PPP1R26: variants seen among roughly 807,000 people sequenced by gnomAD.
PPP1R26 encodes the protein protein phosphatase 1 regulatory subunit 26, also known as 1A6/DRIM (down-regulated in metastasis) interacting protein.
Under a neutral mutation model 67.6 loss-of-function variants are expected in PPP1R26, and 22 were observed. The ratio of observed to expected loss-of-function variants is 0.33; its 90% CI spans 0.23 to 0.46. PPP1R26 has a LOEUF of 0.46. Ranked by LOEUF, PPP1R26 falls within the 20% of genes least tolerant of loss-of-function variation. PPP1R26 has a pLI of 1.00. For missense variants in PPP1R26, 1,602 were observed against 1,651.4 expected (o/e 0.97, Z 0.52); for synonymous variants, 729 against 717.2 (o/e 1.02, Z -0.26).
intron 2 of PPP1R26, among the ~76,000 whole-genome samples, 177 bp downstream of exon 2, chr9:135,482,992 T>TC (rs1193117801): frequency 2.1e-5 from 3 of 141,932 alleles, no homozygotes; most frequent in Non-Finnish European, 3.1e-5. Context: ...TCTTTCTTTT[T>TC]TTTTTTTTTT....
In PPP1R26 at chr9:135,484,436, T is replaced by G; in HGVS notation, c.-62-13T>G. The G allele has an allele frequency of 4.4e-6, 6 of 1,371,332 alleles. No homozygotes were observed. Among genetic ancestry groups the G allele is most frequent in the East Asian group, 4.6e-5 (2 of 43,302 alleles). The allele number at this position is 1,371,332 out of a possible 1,614,324, so 84.9% of individuals were successfully genotyped here. A position where few individuals can be genotyped will look rare whatever the true frequency, so the allele number is the denominator to read the frequency against. On this transcript the variant is annotated splice_polypyrimidine_tract_variant and intron_variant, in intron 3 of 3. Coordinates refer to ENST00000356818, the MANE Select transcript of PPP1R26 (RefSeq NM_014811.5). ...GTAGCTGCATCATGCCCATGTGCTT[T>G]CTTTCCGCCCAGGATGTGAAGCCGG...
rs746113907 is a variant in PPP1R26 at position 135,484,698 on chromosome 9, C to T, written c.188C>T (p.Thr63Ile). Residue 63 changes from threonine (T) to isoleucine (I), a missense_variant, in exon 4 of 4, where the codon ACC becomes ATC. Physicochemically the swap from Thr to Ile is moderately conservative, Grantham distance 89. Transcript: ENST00000356818. ...TLQRDGAARG[T>I]SDERAAQRGH... ...CAGCGCGACGGGGCTGCTCGGGGCA[C>T]CAGCGATGAGCGCGCCGCACAGAGG... is the stretch of plus-strand genomic sequence containing the variant. The T allele has an allele frequency of 2.0e-5, 32 of 1,609,894 alleles. No homozygotes were observed. The highest frequency in any genetic ancestry group is 2.5e-5 in the Non-Finnish European group (30 of 1,179,364).
rs1830843093 is a variant in PPP1R26 at position 135,488,230 on chromosome 9, A to G, written c.*90A>G. ...TGTGTGTGATGGTTCCGTGGCTGCAAGGAAGGGAAACAGTCTATTATACAT... is the reference window on the plus strand; with the variant it reads ...TGTGTGTGATGGTTCCGTGGCTGCAGGGAAGGGAAACAGTCTATTATACAT... On this transcript the variant is annotated 3_prime_UTR_variant, in exon 4 of 4. Transcript: ENST00000356818. 1 of 1,440,092 alleles carries G rather than the reference A, an allele frequency of 6.9e-7. No homozygotes were observed. The highest frequency in any genetic ancestry group is 9.1e-7 in the Non-Finnish European group (1 of 1,096,584). 89.2% of individuals were successfully genotyped at this position (1,440,092 alleles called of 1,614,324 possible).
Position 135,480,010 on chromosome 9 carries a change from G to A in PPP1R26, c.-341G>A, listed in dbSNP as rs1328169797. On this transcript the variant is annotated 5_prime_UTR_variant, in exon 1 of 4. Coordinates refer to ENST00000356818, the MANE Select transcript of PPP1R26 (RefSeq NM_014811.5). ...GCGGGGTCCGCGCGGCGGGCGGCGGGGGACGGGCGGAGGTGAGCGGGTGCA... is the reference window on the plus strand; with the variant it reads ...GCGGGGTCCGCGCGGCGGGCGGCGGAGGACGGGCGGAGGTGAGCGGGTGCA... 1 of 146,380 alleles carries A rather than the reference G, an allele frequency of 6.8e-6. No individual in the cohort carries two copies. The highest frequency in any genetic ancestry group is 1.5e-5 in the Non-Finnish European group (1 of 65,700). The allele number at this position is 146,380 out of a possible 1,614,324, so 9.1% of individuals were successfully genotyped here.
Position 135,484,959 on chromosome 9 carries a change from C to G in PPP1R26, c.449C>G (p.Pro150Arg). ...AAGGCAAAGAGTGGAGCCGCACAGC[C>G]CGGGGCCGGCGGGGCCCAGCCAGGT... is the stretch of plus-strand genomic sequence containing the variant. ...YLKAKSGAAQ[P>R]GAGGAQPGAA... The change falls in exon 4 of 4, where the codon CCC (proline) becomes CGC (arginine). Residue 150 changes from proline (P) to arginine (R), a missense_variant. By Grantham distance (103) the Pro-to-Arg change is moderately radical (BLOSUM62 -2). Transcript: ENST00000356818. 6.3e-7 allele frequency: 1 copy of G among 1,579,200 alleles called. No homozygotes were observed. The highest frequency in any genetic ancestry group is 8.6e-7 in the Non-Finnish European group (1 of 1,163,786).
rs1830834181 is a variant in PPP1R26 at position 135,488,096 on chromosome 9, A to T, written c.3586A>T (p.Thr1196Ser). ...CAGTGACGCCAGTGACTTCAGCGAC[A>T]CCTCCACGGAGGACAGTGGCGGCAG... ...LGSDASDFSD[T>S]STEDSGGSSV... Residue 1196 changes from threonine (T) to serine (S), a missense_variant, in exon 4 of 4, where the codon ACC becomes TCC. Transcript: ENST00000356818. The T allele has an allele frequency of 6.4e-7, 1 of 1,552,714 alleles. No homozygotes were observed. The highest frequency in any genetic ancestry group is 8.7e-7 in the Non-Finnish European group (1 of 1,150,942).
rs1193239777 is a variant in PPP1R26 at position 135,485,328 on chromosome 9, A to C, written c.818A>C (p.Lys273Thr). Reference sequence around the variant, plus strand: ...AAATCCCACCAAGAGCCGCCTACAAAGGTGGTGCATCGGCAGGGCCTGCTG... The same window carrying C: ...AAATCCCACCAAGAGCCGCCTACAACGGTGGTGCATCGGCAGGGCCTGCTG... ...LLKSHQEPPT[K>T]VVHRQGLLGV... The change falls in exon 4 of 4, where the codon AAG becomes ACG. Residue 273 changes from lysine to threonine, a missense_variant. By Grantham distance (78) the Lys-to-Thr change is moderately conservative. Coordinates refer to ENST00000356818, the MANE Select transcript of PPP1R26 (RefSeq NM_014811.5). This position sits in a 1 kb window ranked among gnomAD's most constrained non-coding sequence, Gnocchi z 7.2. The C allele has an allele frequency of 6.2e-7, 1 of 1,613,038 alleles. No homozygotes were observed. The highest frequency in any genetic ancestry group is 1.1e-5 in the South Asian group (1 of 91,070).
rs754055477 is a variant in PPP1R26, at chr9:135,485,855, C to A, written c.1345C>A (p.Leu449Ile). The A allele has an allele frequency of 4.3e-6, 7 of 1,613,460 alleles. No homozygotes were observed. Among genetic ancestry groups the A allele is most frequent in the Non-Finnish European group, 5.9e-6 (7 of 1,180,016 alleles). ...GGLDTDHAPK[L>I]LKETKAPPPA... is the part of the protein sequence containing the mutation. ...CCTGGACACTGACCATGCCCCCAAG[C>A]TCCTGAAGGAAACCAAAGCTCCACC... The change falls in exon 4 of 4, where the codon CTC becomes ATC. Residue 449 changes from leucine to isoleucine, a missense_variant. This residue lies in a region of PPP1R26 where 680 missense variants were observed against 726.1 expected (regional missense o/e 0.94). Coordinates refer to ENST00000356818, the MANE Select transcript of PPP1R26 (RefSeq NM_014811.5). The surrounding 1 kb of genome is among the most constrained non-coding windows in gnomAD (Gnocchi z 7.2).
At position 135,486,001 on chromosome 9, in the gene PPP1R26, C is replaced by T. The variant is rs775509322; in HGVS notation, c.1491C>T (p.Ala497=). ...ACATCTCCAAGACGATCCTGCCGGC[C>T]CCTGTAGAGGGCAGTGACGGGTCCC... is the stretch of plus-strand genomic sequence containing the variant. ...ILDISKTILP[A]PVEGSDGSLS... The change falls in exon 4 of 4, where the codon GCC becomes GCT. Residue 497 remains alanine (A), a synonymous_variant. Transcript: ENST00000356818. The surrounding 1 kb of genome is among the most constrained non-coding windows in gnomAD (Gnocchi z 6.2). The T allele has an allele frequency of 6.2e-7, 1 of 1,613,080 alleles. No individual in the cohort carries two copies. The highest frequency in any genetic ancestry group is 1.7e-5 in the Admixed American group (1 of 59,978).
rs148457172 is a variant in PPP1R26, at chr9:135,485,723, C to G, written c.1213C>G (p.His405Asp). Reference sequence around the variant, plus strand: ...GGAGAGAGCGCCTGACCCTCCCGCACACAGCACAAGCAGTGCCACAAAAAG... The same window carrying G: ...GGAGAGAGCGCCTGACCCTCCCGCAGACAGCACAAGCAGTGCCACAAAAAG... Reference protein sequence around the residue: ...REERAPDPPAHSTSSATKSAL... With the variant: ...REERAPDPPADSTSSATKSAL... The change falls in exon 4 of 4, where the codon CAC (histidine) becomes GAC (aspartate). Residue 405 changes from histidine to aspartate, a missense_variant. Around this residue, in one of 5 missense-constraint regions of PPP1R26, gnomAD observed 680 missense variants for 726.1 expected, o/e 0.94. Transcript: ENST00000356818. This position sits in a 1 kb window ranked among gnomAD's most constrained non-coding sequence, Gnocchi z 7.2. The G allele has an allele frequency of 6.8e-6, 11 of 1,610,422 alleles. 1 individual carries two copies. The highest frequency in any genetic ancestry group is 2.0e-4 in the Middle Eastern group (1 of 4,992).
chr9:135,486,203 C>A lies in PPP1R26; in HGVS notation c.1693C>A (p.Pro565Thr). The stretch of plus-strand genomic sequence containing the variant: ...GAGCTGCCCGCAGGCTGCCCAGGGT[C>A]CACTTTTGCCGCCTGGCCTCAACAG... ...GESCPQAAQG[P>T]LLPPGLNSQT... is the part of the protein sequence containing the mutation. Residue 565 changes from proline (P) to threonine (T), a missense_variant, in exon 4 of 4, where the codon CCA becomes ACA. This residue lies in a region of PPP1R26 where 680 missense variants were observed against 726.1 expected (regional missense o/e 0.94). Coordinates refer to ENST00000356818, the MANE Select transcript of PPP1R26 (RefSeq NM_014811.5). The surrounding 1 kb of genome is among the most constrained non-coding windows in gnomAD (Gnocchi z 6.2). The A allele has an allele frequency of 6.2e-7, 1 of 1,612,992 alleles. No individual in the cohort carries two copies. The highest frequency in any genetic ancestry group is 8.5e-7 in the Non-Finnish European group (1 of 1,180,032).
Position 135,487,955 on chromosome 9 carries a change from G to A in PPP1R26, c.3445G>A (p.Ala1149Thr). 1 of 1,598,582 alleles carries A rather than the reference G, an allele frequency of 6.3e-7. No homozygotes were observed. Among genetic ancestry groups the A allele is most frequent in the African/African-American group, 1.3e-5 (1 of 74,352 alleles). Residue 1149 changes from alanine to threonine, a missense_variant, in exon 4 of 4, where the codon GCA becomes ACA. By Grantham distance (58) the Ala-to-Thr change is moderately conservative (BLOSUM62 0). Around this residue, in one of 5 missense-constraint regions of PPP1R26, gnomAD observed 740 missense variants for 696.3 expected, o/e 1.06. Transcript: ENST00000356818. ...CGGCGGCCCCTGGCCAACCAGGAAGGCACAGGCAGGGCTGAGTTTGCATGA... is the reference window on the plus strand; with the variant it reads ...CGGCGGCCCCTGGCCAACCAGGAAGACACAGGCAGGGCTGAGTTTGCATGA... ...KDGGPWPTRK[A>T]QAGLSLHDRR...
rs969188284 is a variant in PPP1R26, at chr9:135,484,796, T to C, written c.286T>C (p.Leu96=). ...KPTVHKEPPA[L]AVCGLVADFD... is the part of the protein sequence containing the mutation. ...CACCGTGCACAAGGAGCCACCCGCGTTGGCTGTCTGTGGTCTCGTTGCTGA... is the reference window on the plus strand; with the variant it reads ...CACCGTGCACAAGGAGCCACCCGCGCTGGCTGTCTGTGGTCTCGTTGCTGA... Residue 96 remains leucine (L), a synonymous_variant, in exon 4 of 4, where the codon TTG becomes CTG. Coordinates refer to ENST00000356818, the MANE Select transcript of PPP1R26 (RefSeq NM_014811.5). The C allele has an allele frequency of 2.5e-6, 4 of 1,611,030 alleles. No individual in the cohort carries two copies. The highest frequency in any genetic ancestry group is 1.3e-5 in the African/African-American group (1 of 74,856).
chr9:135,486,288 A>G lies in PPP1R26; in HGVS notation c.1778A>G (p.Lys593Arg). ...SKTPDPLLGC[K>R]RKRRGGGHVR... Reference sequence around the variant, plus strand: ...ACACCAGACCCACTGCTGGGCTGCAAAAGGAAGCGTAGAGGTGGTGGCCAT... The same window carrying G: ...ACACCAGACCCACTGCTGGGCTGCAGAAGGAAGCGTAGAGGTGGTGGCCAT... The change falls in exon 4 of 4, where the codon AAA (lysine) becomes AGA (arginine). Residue 593 changes from lysine to arginine, a missense_variant. Lys to Arg is a conservative substitution (Grantham distance 26). Coordinates refer to ENST00000356818, the MANE Select transcript of PPP1R26 (RefSeq NM_014811.5). This position sits in a 1 kb window ranked among gnomAD's most constrained non-coding sequence, Gnocchi z 6.2. The G allele has an allele frequency of 6.2e-7, 1 of 1,612,958 alleles. No homozygotes were observed. Among genetic ancestry groups the G allele is most frequent in the Non-Finnish European group, 8.5e-7 (1 of 1,180,008 alleles).
chr9:135,485,630 C>T lies in PPP1R26; in HGVS notation c.1120C>T (p.Leu374=), dbSNP rs1830694389. 6.2e-7 allele frequency: 1 copy of T among 1,613,008 alleles called. No individual in the cohort carries two copies. Among genetic ancestry groups the T allele is most frequent in the South Asian group, 1.1e-5 (1 of 91,078 alleles). ...SDDGIEEAIQ[L]YQLQKTRKEA... ...CGATGGCATTGAGGAGGCCATCCAG[C>T]TGTACCAGCTGCAGAAAACACGCAA... Residue 374 remains leucine (L), a synonymous_variant, in exon 4 of 4, where the codon CTG becomes TTG. Coordinates refer to ENST00000356818, the MANE Select transcript of PPP1R26 (RefSeq NM_014811.5). This position sits in a 1 kb window ranked among gnomAD's most constrained non-coding sequence, Gnocchi z 7.2.
Position 135,487,340 on chromosome 9 carries a change from G to T in PPP1R26, c.2830G>T (p.Gly944Cys), listed in dbSNP as rs145304554. Residue 944 changes from glycine (G) to cysteine (C), a missense_variant, in exon 4 of 4, where the codon GGC becomes TGC. Physicochemically the swap from Gly to Cys is radical, Grantham distance 159. Transcript: ENST00000356818. ...GDPVPPRSTS[G>C]GVSAKGLSVS... ...TCCGGTGCCGCCCAGGAGCACCAGC[G>T]GCGGTGTCTCCGCCAAGGGGCTCTC... The T allele has an allele frequency of 1.9e-6, 3 of 1,553,280 alleles. No individual in the cohort carries two copies. Among genetic ancestry groups the T allele is most frequent in the South Asian group, 1.2e-5 (1 of 81,304 alleles).
In PPP1R26 at chr9:135,484,835, G is replaced by A. The variant is rs149244774; in HGVS notation, c.325G>A (p.Gly109Arg). 6.2e-7 allele frequency: 1 copy of A among 1,610,424 alleles called. No homozygotes were observed. The highest frequency in any genetic ancestry group is 1.7e-5 in the Admixed American group (1 of 59,984). The change falls in exon 4 of 4, where the codon GGG (glycine) becomes AGG (arginine). Residue 109 changes from glycine to arginine, a missense_variant. Physicochemically the swap from Gly to Arg is moderately radical, Grantham distance 125. Transcript: ENST00000356818. ...CGLVADFDPM[G>R]EEETTDFGPL... ...TCTCGTTGCTGACTTTGACCCCATG[G>A]GGGAGGAGGAAACTACAGACTTTGG... is the stretch of plus-strand genomic sequence containing the variant.
rs1360229729 is a variant in PPP1R26 at position 135,482,983 on chromosome 9, C to CTTTTTTTTTTTTTTTTTTTTTTT, written c.-196+171_-196+172insTTTTTTTTTTTTTTTTTTTTTTT. 2.5e-4 allele frequency among the ~76,000 whole-genome samples: 31 copies of CTTTTTTTTTTTTTTTTTTTTTTT among 125,744 alleles called. 1 individual carries two copies. The highest frequency in any genetic ancestry group is 1.5e-3 in the South Asian group (5 of 3,308). 82.5% of individuals were successfully genotyped at this position (125,744 alleles called of 152,430 possible). A position where few individuals can be genotyped will look rare whatever the true frequency, so the allele number is the denominator to read the frequency against. ...GCTCACCTTTTGTTTCTTTTTCTTT[C>CTTTTTTTTTTTTTTTTTTTTTTT]TTTCTTTTTTTTTTTTTTTTTTTTG... is the stretch of plus-strand genomic sequence containing the variant. On this transcript the variant is annotated intron_variant, in intron 2 of 3. Coordinates refer to ENST00000356818, the MANE Select transcript of PPP1R26 (RefSeq NM_014811.5).
In PPP1R26 at chr9:135,486,048, A is replaced by G. The variant is rs776045463; in HGVS notation, c.1538A>G (p.Tyr513Cys). The change falls in exon 4 of 4, where the codon TAC becomes TGC. Residue 513 changes from tyrosine to cysteine, a missense_variant. By Grantham distance (194) the Tyr-to-Cys change is radical (BLOSUM62 -2). Coordinates refer to ENST00000356818, the MANE Select transcript of PPP1R26 (RefSeq NM_014811.5). The surrounding 1 kb of genome is among the most constrained non-coding windows in gnomAD (Gnocchi z 6.2). ...DGSLSASPLFYSPNVPSRSDG... is the reference protein window; with the variant it reads ...DGSLSASPLFCSPNVPSRSDG... ...TCCCTGTCCGCAAGCCCACTCTTCT[A>G]CTCCCCGAACGTGCCTTCCCGCTCT... The G allele has an allele frequency of 1.2e-6, 2 of 1,612,816 alleles. No individual in the cohort carries two copies. Among genetic ancestry groups the G allele is most frequent in the East Asian group, 2.2e-5 (1 of 44,860 alleles).
Sources: allele counts gnomAD v4.1 joint callset (sites outside exome capture counted in the v4.1 genomes callset), GRCh38; gene constraint gnomAD v4.1.1; regional missense constraint gnomAD v4.1.1; non-coding constraint Gnocchi (gnomAD v3.1); transcripts MANE v1.5; gene names NCBI Gene and HGNC (gene_info 2026-07-23, HGNC 2026-07-21).